Variants in LRP1B observed in about 807,000 individuals in gnomAD.
LRP1B encodes LDL receptor related protein 1B, also known as low-density lipoprotein receptor-related protein 1B.
LRP1B carries 217 observed loss-of-function variants against 556.6 expected under a neutral mutation model. The ratio of observed to expected loss-of-function variants is 0.39; its 90% CI spans 0.35 to 0.44. The LOEUF is 0.44. LRP1B is among the 20% of genes least tolerant of loss of function. The probability of loss-of-function intolerance (pLI) is 1.00; values close to 1 mark genes in which losing one functional copy is unlikely to be tolerated. For missense variants in LRP1B, 5,053 were observed against 5,620.8 expected, an observed-to-expected ratio of 0.90 and a Z score of 3.23; for synonymous variants, 2,047 against 1,865.8, an observed-to-expected ratio of 1.10 and a Z score of -2.50.
In LRP1B at chr2:140,536,580, C is replaced by T. The variant is rs371521235; in HGVS notation, c.7642+1G>A. 6.2e-7 allele frequency: 1 copy of T among 1,606,440 alleles called. No homozygotes were observed. The highest frequency in any genetic ancestry group is 1.3e-5 in the African/African-American group (1 of 74,106). ...CGAGCAAACCCATATTGGACACTTA[C>T]CACAGTAGAGCAGTTTTTCATCTGA... On this transcript the variant is annotated splice_donor_variant, in intron 46 of 90. Coordinates refer to ENST00000389484, the MANE Select transcript of LRP1B (RefSeq NM_018557.3). LOFTEE classifies it high-confidence loss of function.
Position 141,229,186 on chromosome 2 carries a change from G to A in LRP1B, c.847C>T (p.His283Tyr), listed in dbSNP as rs1037245912. Residue 283 changes from histidine to tyrosine, a missense_variant, in exon 6 of 91, where the codon CAC (histidine) becomes TAC (tyrosine). Transcript: ENST00000389484. ...AATATTTAATTGAAACACTTACTGTGGAAGGATTGAAGAATATTGATTGTC... is the reference window on the plus strand; with the variant it reads ...AATATTTAATTGAAACACTTACTGTAGAAGGATTGAAGAATATTGATTGTC... ...EWTINILQSF[H>Y]NVQQMAIDWL... 8 of 1,612,674 alleles carry A rather than the reference G, an allele frequency of 5.0e-6. No homozygotes were observed. The highest frequency in any genetic ancestry group is 5.9e-6 in the Non-Finnish European group (7 of 1,179,278).
At chr2:141,412,013 G>A (rs182192507) in intron 3 of LRP1B, among the ~76,000 whole-genome samples, 61 of 151,388 alleles carry the variant, frequency 4.0e-4, no homozygotes, top group East Asian at 1.2e-3. Context: ...ATATAAAAAG[G>A]AACTATTACA....
chr2:141,766,562 T>C (rs1694738652), intron 2 of LRP1B, among the ~76,000 whole-genome samples: 1 of 152,190 alleles, frequency 6.6e-6, no homozygotes, highest in Non-Finnish European at 1.5e-5. Context: ...TAGCAGTCTT[T>C]CAGTTTCTCT....
At position 142,130,698 on chromosome 2, in the gene LRP1B, A is replaced by G; in HGVS notation, c.32T>C (p.Leu11Pro). MSEFLLALLTLSGLLPIARVL... is the reference protein window; with the variant it reads MSEFLLALLTPSGLLPIARVL... ...CCTGGCAATCGGCAATAATCCCGAG[A>G]GAGTGAGTAAGGCGAGGAGAAACTC... The change falls in exon 1 of 91, where the codon CTC becomes CCC. Residue 11 changes from leucine to proline, a missense_variant. Around this residue, in one of 5 missense-constraint regions of LRP1B, gnomAD observed 3,619 missense variants for 3,931.9 expected, o/e 0.92. Transcript: ENST00000389484. 6.2e-7 allele frequency: 1 copy of G among 1,613,612 alleles called. No individual in the cohort carries two copies. Among genetic ancestry groups the G allele is most frequent in the Non-Finnish European group, 8.5e-7 (1 of 1,179,782 alleles).
chr2:141,195,272 G>A (rs1041629053), intron 6 of LRP1B, among the ~76,000 whole-genome samples: 16 of 152,066 alleles, frequency 1.1e-4, no homozygotes, highest in Admixed American at 6.5e-5. Flanking sequence ...GAGGCTTCCT[G>A]CCAGCAGCCA....
intron 1 of LRP1B, among the ~76,000 whole-genome samples, chr2:142,094,938 T>G (rs1222483274): frequency 1.3e-5 from 2 of 151,872 alleles, no homozygotes; most frequent in Non-Finnish European, 2.9e-5. Flanking sequence ...TCAGATGCCA[T>G]GTATCTTCCA....
chr2:140,695,215 T>C (rs1351945799), intron 41 of LRP1B, among the ~76,000 whole-genome samples: 1 of 152,082 alleles, frequency 6.6e-6, no homozygotes, highest in African/African-American at 2.4e-5. Context: ...GTGGACTTCA[T>C]TGAGCCTCTG....
intron 1 of LRP1B, among the ~76,000 whole-genome samples, chr2:141,869,250 C>T (rs1232829849): frequency 6.6e-6 from 1 of 151,906 alleles, no homozygotes; most frequent in Admixed American, 6.6e-5. Context: ...ATGGTTACTG[C>T]AATGAAAAAA....
intron 3 of LRP1B, among the ~76,000 whole-genome samples, chr2:141,326,570 C>G (rs1687437814): frequency 6.6e-6 from 1 of 152,064 alleles, no homozygotes; most frequent in South Asian, 2.1e-4. Context: ...ACCAGTGGTT[C>G]CCAACCGATG....
intron 1 of LRP1B, among the ~76,000 whole-genome samples, chr2:142,061,797 G>A (rs749160802): frequency 5.3e-5 from 8 of 151,842 alleles, no homozygotes; most frequent in African/African-American, 1.2e-4. Flanking sequence ...ATTTCATTTC[G>A]TCTGATATTT....
intron 1 of LRP1B, among the ~76,000 whole-genome samples, chr2:141,873,566 A>C (rs555644493): frequency 6.6e-6 from 1 of 152,042 alleles, no homozygotes; most frequent in Admixed American, 6.6e-5. Flanking sequence ...AAAATAATTT[A>C]TGTGTCTGTG....
At chr2:141,716,602 C>G (rs138119824) in intron 2 of LRP1B, among the ~76,000 whole-genome samples, 11 of 152,262 alleles carry the variant, frequency 7.2e-5, no homozygotes, top group African/African-American at 2.4e-4. Flanking sequence ...AGGTGATCAG[C>G]TCACCAAACA....
At chr2:141,052,853 T>C (rs1027650142) in intron 10 of LRP1B, among the ~76,000 whole-genome samples, 1 of 151,868 alleles carries the variant, frequency 6.6e-6, no homozygotes, top group Non-Finnish European at 1.5e-5. Context: ...GCCCAGGCTC[T>C]TATTGAAATC....
intron 77 of LRP1B, among the ~76,000 whole-genome samples, chr2:140,347,288 C>G (rs2105108733): frequency 6.6e-6 from 1 of 151,130 alleles, no homozygotes; most frequent in East Asian, 2.0e-4. Flanking sequence ...TAAATTATTT[C>G]TTAAACGAAA....
At position 140,485,378 on chromosome 2, in the gene LRP1B, C is replaced by G; in HGVS notation, c.9390G>C (p.Lys3130Asn). 1 of 1,611,908 alleles carries G rather than the reference C, an allele frequency of 6.2e-7. No homozygotes were observed. Among genetic ancestry groups the G allele is most frequent in the Non-Finnish European group, 8.5e-7 (1 of 1,179,320 alleles). The change falls in exon 59 of 91, where the codon AAG becomes AAC. Residue 3130 changes from lysine (K) to asparagine (N), a missense_variant. This residue lies in a region of LRP1B where 3,619 missense variants were observed against 3,931.9 expected (regional missense o/e 0.92). Transcript: ENST00000389484. ...GATCTAAAGACAAGTCTCTGGGAAA[C>G]TTCAGCCTTTTGCTAACGAGTATAG... ...YPTILVSKRL[K>N]FPRDLSLDPQ...
At chr2:140,726,774 A>G (rs1574287193) in intron 35 of LRP1B, among the ~76,000 whole-genome samples, 1 of 152,082 alleles carries the variant, frequency 6.6e-6, no homozygotes, top group East Asian at 1.9e-4. Context: ...TTAGCAAAAT[A>G]TACAAGTGTA....
chr2:141,012,351 G>A (rs1223225418), intron 14 of LRP1B, among the ~76,000 whole-genome samples: 1 of 152,052 alleles, frequency 6.6e-6, no homozygotes, highest in Admixed American at 6.6e-5. Context: ...CTACAATCCT[G>A]AAAAGCAGAT....
chr2:141,904,100 T>C (rs1699693343), intron 1 of LRP1B, among the ~76,000 whole-genome samples: 1 of 151,838 alleles, frequency 6.6e-6, no homozygotes, highest in Non-Finnish European at 1.5e-5. Flanking sequence ...CCAAGTGAAA[T>C]AAAACACAAT....
At chr2:141,745,480 A>G (rs534446992) in intron 2 of LRP1B, among the ~76,000 whole-genome samples, 7 of 152,030 alleles carry the variant, frequency 4.6e-5, no homozygotes, top group Non-Finnish European at 5.9e-5. Flanking sequence ...TCCATAAGGA[A>G]TACTGCCAGA....
Sources: gnomAD v4.1 joint callset for allele counts (sites outside exome capture counted in the v4.1 genomes callset) on GRCh38, gnomAD v4.1.1 for gene constraint, gnomAD v4.1.1 regional missense constraint, MANE v1.5 for transcripts, NCBI Gene and HGNC (gene_info 2026-07-23, HGNC 2026-07-21) for gene names.